MTMR3: variants seen among roughly 807,000 people sequenced by gnomAD.
MTMR3 encodes the protein phosphatidylinositol-3,5-bisphosphate 3-phosphatase MTMR3.
Under a neutral mutation model 132.4 loss-of-function variants are expected in MTMR3, and 32 were observed. That is an observed-to-expected ratio of 0.24 (90% confidence interval 0.18 to 0.32). MTMR3 has a LOEUF of 0.32. Ranked by LOEUF, MTMR3 falls within the 10% of genes least tolerant of loss-of-function variation. The pLI is 1.00. For synonymous variants in MTMR3, 556 were observed against 550.3 expected (o/e 1.01, Z -0.14); for missense variants, 1,216 against 1,489.6 (o/e 0.82, Z 3.02).
At position 29,957,259 on chromosome 22, in the gene MTMR3, G is replaced by GA. The variant is rs571198514; in HGVS notation, c.-85+172dup. Among the ~76,000 whole-genome samples the GA allele has an allele frequency of 8.2e-3, 656 of 80,486 alleles. 9 individuals carry two copies. The highest frequency in any genetic ancestry group is 0.031 in the African/African-American group (620 of 20,182). The allele number at this position is 80,486 out of a possible 152,430, so 52.8% of individuals were successfully genotyped here. On this transcript the variant is annotated intron_variant, in intron 2 of 19. Transcript: ENST00000401950. ...TGTTCACTTTAATGTCCTTACATGT[G>GA]ATTATTTTTTTTTTTCACTAGGACT...
chr22:29,890,301 G>T (rs978127127), intron 1 of MTMR3, among the ~76,000 whole-genome samples: 2 of 152,078 alleles, frequency 1.3e-5, no homozygotes, highest in African/African-American at 4.8e-5. Context: ...TGGATCACCT[G>T]AGGTCAGCAG....
At chr22:29,985,719 A>G (rs1391347810) in intron 5 of MTMR3, 7 of 152,208 alleles carry the variant, frequency 4.6e-5, no homozygotes, top group African/African-American at 7.2e-5. Context: ...TGTAATACAC[A>G]TGGTTGATTT....
At chr22:30,001,241 A>C (rs561603893) in intron 8 of MTMR3, 1 of 152,394 alleles carries the variant, frequency 6.6e-6, no homozygotes, top group African/African-American at 2.4e-5. Flanking sequence ...AATACAAAAA[A>C]ATTAGCCAGC....
intron 1 of MTMR3, among the ~76,000 whole-genome samples, chr22:29,908,451 G>T (rs929272945): frequency 4.6e-5 from 7 of 152,186 alleles, no homozygotes; most frequent in African/African-American, 1.7e-4. Flanking sequence ...AAAATAGAAT[G>T]AAAGTGGATT....
chr22:30,013,686 AAAT>A, intron 14 of MTMR3, 145 bp downstream of exon 14: 1 of 779,610 alleles, frequency 1.3e-6, no homozygotes, highest in Non-Finnish European at 1.9e-6. Flanking sequence ...TTTTTTTAGT[AAAT>A]AATTTTGCTA....
chr22:30,005,840 G>C (rs1569045772), intron 9 of MTMR3: 1 of 152,170 alleles, frequency 6.6e-6, no homozygotes, highest in African/African-American at 2.4e-5. Flanking sequence ...ATGTCCAATG[G>C]ATGAAGCCCC....
chr22:29,961,558 T>TA (rs548167769), intron 2 of MTMR3, among the ~76,000 whole-genome samples: 14 of 152,158 alleles, frequency 9.2e-5, no homozygotes, highest in Non-Finnish European at 1.6e-4. Flanking sequence ...AGACCCAAGA[T>TA]ACGATGGTAG....
chr22:30,025,779 C>T lies in MTMR3; in HGVS notation c.3575C>T (p.Pro1192Leu), dbSNP rs773098171. Residue 1192 changes from proline (P) to leucine (L), a missense_variant, in exon 20 of 20, where the codon CCC becomes CTC. Physicochemically the swap from Pro to Leu is moderately conservative, Grantham distance 98. This residue lies in a region of MTMR3 where 852 missense variants were observed against 852.0 expected (regional missense o/e 1.00). Transcript: ENST00000401950. ...SSSIDLELDK[P>L]IAATSN The stretch of plus-strand genomic sequence containing the variant: ...AGCATTGACCTTGAACTGGATAAGC[C>T]CATTGCTGCCACTTCCAACTGAAGC... The T allele has an allele frequency of 6.2e-7, 1 of 1,614,064 alleles. No homozygotes were observed. Among genetic ancestry groups the T allele is most frequent in the Admixed American group, 1.7e-5 (1 of 60,022 alleles).
chr22:29,951,644 T>C (rs5763631), intron 1 of MTMR3, among the ~76,000 whole-genome samples: 148,963 of 152,346 alleles, frequency 0.98, 72,904 homozygotes, highest in East Asian at 1. Context: ...TAATCACTAA[T>C]CTACTGTTTC....
At position 30,028,305 on chromosome 22, in the gene MTMR3, GACTATGGGTGGGCAGAGAGA is replaced by G. The variant is rs2067949414; in HGVS notation, c.*2508_*2527del. ...TTCTGCCTGTTGTTCTTGAAGGATAGACTATGGGTGGGCAGAGAGAACTGGGGGCAGAAATGGAATTAGAT... is the reference window on the plus strand; with the variant it reads ...TTCTGCCTGTTGTTCTTGAAGGATAGACTGGGGGCAGAAATGGAATTAGAT... On this transcript the variant is annotated 3_prime_UTR_variant, in exon 20 of 20. Coordinates refer to ENST00000401950, the MANE Select transcript of MTMR3 (RefSeq NM_021090.4). 6.6e-6 allele frequency: 1 copy of G among 152,426 alleles called. No homozygotes were observed. The highest frequency in any genetic ancestry group is 2.4e-5 in the African/African-American group (1 of 41,438). The allele number at this position is 152,426 out of a possible 1,614,324, so 9.4% of individuals were successfully genotyped here. A position where few individuals can be genotyped will look rare whatever the true frequency, so the allele number is the denominator to read the frequency against.
intron 5 of MTMR3, chr22:29,980,621 A>G (rs548082964): frequency 6.6e-6 from 1 of 152,366 alleles, no homozygotes; most frequent in South Asian, 2.1e-4. Flanking sequence ...GAATTAAATT[A>G]TAATTAAATT....
intron 1 of MTMR3, among the ~76,000 whole-genome samples, chr22:29,901,570 ATT>A (rs2065002529): frequency 2.0e-5 from 3 of 152,180 alleles, no homozygotes; most frequent in Non-Finnish European, 4.4e-5. Flanking sequence ...TCCTCAAAAA[ATT>A]TCCTCATGAC....
intron 1 of MTMR3, among the ~76,000 whole-genome samples, chr22:29,902,304 T>C (rs2065015554): frequency 6.6e-6 from 1 of 152,164 alleles, no homozygotes; most frequent in South Asian, 2.1e-4. Flanking sequence ...AACTCCTTAG[T>C]GCATAATTTC....
intron 18 of MTMR3, 99 bp from the exon 19 acceptor site, chr22:30,022,509 GA>G: frequency 1.0e-6 from 1 of 998,826 alleles, no homozygotes; most frequent in South Asian, 1.3e-5. Flanking sequence ...CACTGGAGCT[GA>G]TGTGGTCCTT....
At chr22:29,927,821 A>G (rs2145782581) in intron 1 of MTMR3, among the ~76,000 whole-genome samples, 1 of 152,274 alleles carries the variant, frequency 6.6e-6, no homozygotes, top group Non-Finnish European at 1.5e-5. Flanking sequence ...TCAGTATACA[A>G]GTAGGTGAAG....
intron 1 of MTMR3, among the ~76,000 whole-genome samples, chr22:29,954,858 C>G (rs953045670): frequency 6.6e-6 from 1 of 152,148 alleles, no homozygotes; most frequent in East Asian, 1.9e-4. Flanking sequence ...TATCATAGCT[C>G]GATAACTTCA....
intron 1 of MTMR3, among the ~76,000 whole-genome samples, chr22:29,948,470 G>T (rs1482704467): frequency 2.0e-5 from 3 of 152,144 alleles, no homozygotes; most frequent in Non-Finnish European, 4.4e-5. Context: ...TATTTTTTTA[G>T]TGTAGTTTAC....
intron 6 of MTMR3, chr22:29,990,620 G>A (rs1422207672): frequency 6.6e-6 from 1 of 152,072 alleles, no homozygotes; most frequent in Admixed American, 6.6e-5. Context: ...TCACTCTGTT[G>A]CCCAGGCTGG....
Position 29,898,621 on chromosome 22 carries a change from C to A in MTMR3, c.-138+15262C>A, listed in dbSNP as rs1276449077. On this transcript the variant is annotated intron_variant, in intron 1 of 19. Transcript: ENST00000401950. Reference sequence around the variant, plus strand: ...TTTTGTCCTGTTACCCAGGCTGCCTCGAACTCCTGGACTCAAGCAGTCCAC... The same window carrying A: ...TTTTGTCCTGTTACCCAGGCTGCCTAGAACTCCTGGACTCAAGCAGTCCAC... Among the ~76,000 whole-genome samples the A allele has an allele frequency of 3.3e-5, 5 of 152,218 alleles. No homozygotes were observed. The South Asian group carries it at 1.0e-3, about 32-fold the overall frequency.
Sources: allele counts gnomAD v4.1 joint callset (sites outside exome capture counted in the v4.1 genomes callset), GRCh38; gene constraint gnomAD v4.1.1; regional missense constraint gnomAD v4.1.1; transcripts MANE v1.5; gene names NCBI Gene and HGNC (gene_info 2026-07-23, HGNC 2026-07-21).